ANKHD1: variants seen among roughly 807,000 people sequenced by gnomAD.
ANKHD1 encodes ankyrin repeat and KH domain-containing protein 1.
ANKHD1 carries 31 observed loss-of-function variants against 230.5 expected under a neutral mutation model. That is an observed-to-expected ratio of 0.13 (90% CI 0.10 to 0.18). The LOEUF is 0.18. ANKHD1 is among the 10% of genes least tolerant of loss of function. The pLI is 1.00. For missense variants in ANKHD1, 2,256 were observed against 3,071.3 expected (o/e 0.73, Z 6.27); for synonymous variants, 1,074 against 1,117.6 (o/e 0.96, Z 0.78).
intron 1 of ANKHD1, among the ~76,000 whole-genome samples, chr5:140,422,584 C>T (rs1026331957): frequency 2.6e-5 from 4 of 151,098 alleles, no homozygotes; most frequent in African/African-American, 4.9e-5. Flanking sequence ...ATGTTCTGGG[C>T]GGATCGTGAG....
intron 14 of ANKHD1, among the ~76,000 whole-genome samples, chr5:140,494,154 T>C (rs190990594): frequency 8.5e-4 from 130 of 152,348 alleles, no homozygotes; most frequent in African/African-American, 3.0e-3. Flanking sequence ...GCTATTGCTG[T>C]GGATTTGTAC....
chr5:140,427,233 G>A (rs2126886811), intron 1 of ANKHD1, among the ~76,000 whole-genome samples: 1 of 145,042 alleles, frequency 6.9e-6, no homozygotes, highest in Non-Finnish European at 1.5e-5. Context: ...GGGCAGAGGT[G>A]CCCCTCACCT....
chr5:140,482,512 G>A (rs1751329264), intron 10 of ANKHD1, 68 bp from the exon 11 acceptor site: 3 of 1,547,368 alleles, frequency 1.9e-6, no homozygotes, highest in South Asian at 2.3e-5. Context: ...CATTTCATCA[G>A]TACTGTTTTT....
intron 1 of ANKHD1, among the ~76,000 whole-genome samples, chr5:140,417,980 C>G (rs1771544143): frequency 6.6e-6 from 1 of 151,386 alleles, no homozygotes; most frequent in Non-Finnish European, 1.5e-5. Context: ...GCTGGGATTA[C>G]AGGTGCCTGC....
chr5:140,401,963 G>C lies in ANKHD1; in HGVS notation c.-5G>C. The C allele has an allele frequency of 6.4e-7, 1 of 1,567,520 alleles. No individual in the cohort carries two copies. Among genetic ancestry groups the C allele is most frequent in the Non-Finnish European group, 8.6e-7 (1 of 1,161,382 alleles). ...CGGCACCGTCTCCGGCTCCGGGTGC[G>C]AACAATGCTGACTGATAGCGGAGGC... On this transcript the variant is annotated 5_prime_UTR_variant, in exon 1 of 34. Transcript: ENST00000360839.
In ANKHD1 at chr5:140,427,672, C is replaced by T. The variant is rs1482752607; in HGVS notation, c.307-8432C>T. ...CTGACCCCCCCACCTCCCTCCCGGA[C>T]GGGGCGGCCGGCCAGGCAGAGGGGC... On this transcript the variant is annotated intron_variant, in intron 1 of 33. Transcript: ENST00000360839. 4.7e-5 allele frequency among the ~76,000 whole-genome samples: 7 copies of T among 148,082 alleles called. No individual in the cohort carries two copies. In the South Asian group the frequency reaches 8.5e-4, roughly 18 times the overall value.
At position 140,527,004 on chromosome 5, in the gene ANKHD1, A is replaced by T; in HGVS notation, c.5017A>T (p.Ile1673Leu). The change falls in exon 27 of 34, where the codon ATA (isoleucine) becomes TTA (leucine). Residue 1673 changes from isoleucine (I) to leucine (L), a missense_variant. By Grantham distance (5) the Ile-to-Leu change is conservative. This residue lies in a region of ANKHD1 where 212 missense variants were observed against 257.3 expected (regional missense o/e 0.82). Coordinates refer to ENST00000360839, the MANE Select transcript of ANKHD1 (RefSeq NM_017747.3). The surrounding 1 kb of genome is among the most constrained non-coding windows in gnomAD (Gnocchi z 4.5). ...GTCATTGCCATTAAGCTCTCCAAAC[A>T]TAAAGCTGAATCTCACTAGCCCTAA... ...TVSLPLSSPN[I>L]KLNLTSPKRG... The T allele has an allele frequency of 5.0e-6, 8 of 1,613,864 alleles. No individual in the cohort carries two copies. Among genetic ancestry groups the T allele is most frequent in the South Asian group, 1.1e-5 (1 of 91,064 alleles).
intron 14 of ANKHD1, among the ~76,000 whole-genome samples, chr5:140,493,499 T>C (rs947722096): frequency 8.5e-5 from 13 of 152,244 alleles, no homozygotes; most frequent in Admixed American, 7.8e-4. Context: ...TACTACTTAC[T>C]ACCTGTTGAA....
intron 29 of ANKHD1, among the ~76,000 whole-genome samples, chr5:140,534,158 C>T (rs1035306857): frequency 1.3e-4 from 19 of 151,982 alleles, no homozygotes; most frequent in African/African-American, 3.4e-4. Flanking sequence ...TTTGGGAGGC[C>T]GAGGCGGGTG....
At position 140,509,647 on chromosome 5, in the gene ANKHD1, C is replaced by A. The variant is rs750664990; in HGVS notation, c.3776C>A (p.Thr1259Asn). 8 of 1,575,160 alleles carry A rather than the reference C, an allele frequency of 5.1e-6. No individual in the cohort carries two copies. The African/African-American group carries it at 1.1e-4, about 22-fold the overall frequency. The change falls in exon 21 of 34, where the codon ACC (threonine) becomes AAC (asparagine). Residue 1259 changes from threonine (T) to asparagine (N), a missense_variant. Physicochemically the swap from Thr to Asn is moderately conservative, Grantham distance 65 (BLOSUM62 0). Transcript: ENST00000360839. The part of the protein sequence containing the change: ...NVEHRAKTGL[T>N]PLMEAASGGY... ...TATTGGTTTAAACAGACGGGTCTTACCCCCTTGATGGAAGCAGCTTCTGGA... is the reference window on the plus strand; with the variant it reads ...TATTGGTTTAAACAGACGGGTCTTAACCCCTTGATGGAAGCAGCTTCTGGA...
intron 2 of ANKHD1, among the ~76,000 whole-genome samples, chr5:140,437,638 G>A (rs372145858): frequency 4.6e-5 from 7 of 152,296 alleles, no homozygotes; most frequent in African/African-American, 1.4e-4. Context: ...CCCAGAAGGC[G>A]GAGGTTGCAG....
intron 20 of ANKHD1, among the ~76,000 whole-genome samples, 186 bp downstream of exon 20, chr5:140,508,184 C>T (rs1157542570): frequency 1.3e-5 from 2 of 152,106 alleles, no homozygotes; most frequent in East Asian, 1.9e-4. Flanking sequence ...TTATTAAGGA[C>T]AATGAAGAAA....
At position 140,496,585 on chromosome 5, in the gene ANKHD1, C is replaced by G; in HGVS notation, c.2311C>G (p.Pro771Ala). The G allele has an allele frequency of 6.2e-7, 1 of 1,612,772 alleles. No individual in the cohort carries two copies. Among genetic ancestry groups the G allele is most frequent in the South Asian group, 1.1e-5 (1 of 91,020 alleles). Reference protein sequence around the residue: ...ADQDLLPSFHPYQPLECIVEE... With the variant: ...ADQDLLPSFHAYQPLECIVEE... ...TCAGGACCTACTGCCATCTTTTCAC[C>G]CATACCAGCCTTTGGAGTGCATAGT... The change falls in exon 15 of 34, where the codon CCA (proline) becomes GCA (alanine). Residue 771 changes from proline to alanine, a missense_variant. Physicochemically the swap from Pro to Ala is conservative, Grantham distance 27 (BLOSUM62 -1). Coordinates refer to ENST00000360839, the MANE Select transcript of ANKHD1 (RefSeq NM_017747.3).
chr5:140,441,169 G>T, intron 5 of ANKHD1, 27 bp downstream of exon 5: 1 of 1,493,888 alleles, frequency 6.7e-7, no homozygotes, highest in Non-Finnish European at 8.9e-7. Flanking sequence ...GTATTAATTG[G>T]GAGAAAAAAT....
rs774650666 is a variant in ANKHD1 at position 140,506,796 on chromosome 5, G to A, written c.3409-39G>A. On this transcript the variant is annotated intron_variant, in intron 18 of 33. Coordinates refer to ENST00000360839, the MANE Select transcript of ANKHD1 (RefSeq NM_017747.3). The surrounding 1 kb of genome is among the most constrained non-coding windows in gnomAD (Gnocchi z 4.7). ...TTCCTTCATTATAAGTTGAGCCCTT[G>A]GTGTAAACTCTCTTCTCTATCCATA... The A allele has an allele frequency of 6.2e-7, 1 of 1,606,322 alleles. No individual in the cohort carries two copies. The highest frequency in any genetic ancestry group is 1.7e-5 in the Admixed American group (1 of 57,168).
intron 1 of ANKHD1, among the ~76,000 whole-genome samples, chr5:140,413,701 ATATG>A (rs1252520966): frequency 6.6e-6 from 1 of 152,054 alleles, no homozygotes; most frequent in Non-Finnish European, 1.5e-5. Flanking sequence ...TTGTGTGTGT[ATATG>A]TATGTGTGTG....
At chr5:140,416,008 A>T (rs991322124) in intron 1 of ANKHD1, among the ~76,000 whole-genome samples, 5 of 152,030 alleles carry the variant, frequency 3.3e-5, no homozygotes, top group Non-Finnish European at 7.4e-5. Flanking sequence ...TCATTGTTCA[A>T]TTCCCACCTA....
At position 140,470,341 on chromosome 5, in the gene ANKHD1, T is replaced by A. The variant is rs558979800; in HGVS notation, c.1782+5565T>A. 6.7e-4 allele frequency among the ~76,000 whole-genome samples: 102 copies of A among 151,636 alleles called. 1 individual carries two copies. Among genetic ancestry groups the A allele is most frequent in the South Asian group, 3.5e-3 (17 of 4,826 alleles). ...ATAAGTTGTCATAGTATTTAATTTT[T>A]AAAATTTTTTTTTTTTTTAGTGGTG... On this transcript the variant is annotated intron_variant, in intron 10 of 33. Coordinates refer to ENST00000360839, the MANE Select transcript of ANKHD1 (RefSeq NM_017747.3).
intron 24 of ANKHD1, among the ~76,000 whole-genome samples, chr5:140,519,503 C>T (rs1042530647): frequency 1.3e-5 from 2 of 152,204 alleles, no homozygotes; most frequent in African/African-American, 4.8e-5. Flanking sequence ...AAGCTGGAGG[C>T]ATCACACTAC....
Sources: allele counts gnomAD v4.1 joint callset (sites outside exome capture counted in the v4.1 genomes callset), GRCh38; gene constraint gnomAD v4.1.1; regional missense constraint gnomAD v4.1.1; non-coding constraint Gnocchi (gnomAD v3.1); transcripts MANE v1.5; gene names NCBI Gene and HGNC (gene_info 2026-07-23, HGNC 2026-07-21).